Variants in SPMIP2 observed in about 807,000 individuals in gnomAD.
SPMIP2 encodes sperm microtubule inner protein 2.
At chr4:158,946,948 T>C in the SPMIP2 span, among the ~76,000 whole-genome samples, 1 of 152,190 alleles carries the variant, frequency 6.6e-6, no homozygotes, top group South Asian at 2.1e-4. Context: ...CCAACTATCT[T>C]TGTGGCTACA....
chr4:159,048,926 AT>A, the SPMIP2 span, among the ~76,000 whole-genome samples: 24 of 151,622 alleles, frequency 1.6e-4, no homozygotes, highest in African/African-American at 5.3e-4. Flanking sequence ...TAAAGTTAAA[AT>A]TTTTTTTGAA....
At chr4:158,897,686 G>A in the SPMIP2 span, among the ~76,000 whole-genome samples, 1 of 151,790 alleles carries the variant, frequency 6.6e-6, no homozygotes, top group Non-Finnish European at 1.5e-5. Context: ...TTTTGATGGG[G>A]TTGTTTTTTT....
the SPMIP2 span, among the ~76,000 whole-genome samples, chr4:159,080,307 C>G: frequency 9.9e-5 from 15 of 152,082 alleles, no homozygotes; most frequent in African/African-American, 3.6e-4. Context: ...ACCTCGAACT[C>G]CTGGGTTCAC....
chr4:158,957,743 T>A, the SPMIP2 span, among the ~76,000 whole-genome samples: 1 of 152,092 alleles, frequency 6.6e-6, no homozygotes, highest in Non-Finnish European at 1.5e-5. Context: ...CTTGTCAACA[T>A]CAGCTTAATA....
chr4:159,055,751 AAAAC>A, the SPMIP2 span, among the ~76,000 whole-genome samples: 5 of 152,124 alleles, frequency 3.3e-5, no homozygotes, highest in African/African-American at 1.2e-4. Context: ...TAAAAAACGA[AAAAC>A]AAAAACACGA....
chr4:158,984,732 A>C, the SPMIP2 span, among the ~76,000 whole-genome samples: 24 of 152,192 alleles, frequency 1.6e-4, no homozygotes, highest in East Asian at 3.9e-4. Flanking sequence ...ACTAGAAAAG[A>C]AAGAGCAAAC....
chr4:158,935,192 A>G, the SPMIP2 span, among the ~76,000 whole-genome samples: 1 of 152,152 alleles, frequency 6.6e-6, no homozygotes, highest in South Asian at 2.1e-4. Context: ...AGACATCATG[A>G]TGGTTCACCC....
At chr4:159,023,039 A>G in the SPMIP2 span, among the ~76,000 whole-genome samples, 3 of 35,522 alleles carry the variant, frequency 8.4e-5, no homozygotes, top group East Asian at 3.3e-3. Context: ...AATAAAATAA[A>G]ATAAAATAAA....
chr4:158,945,394 C>A, the SPMIP2 span, among the ~76,000 whole-genome samples: 1 of 152,164 alleles, frequency 6.6e-6, no homozygotes, highest in Non-Finnish European at 1.5e-5. Context: ...TGGAAAGGAC[C>A]ATGCTGCAAA....
the SPMIP2 span, among the ~76,000 whole-genome samples, chr4:158,946,344 T>C: frequency 1.3e-5 from 2 of 152,192 alleles, no homozygotes; most frequent in African/African-American, 2.4e-5. Context: ...ATGAAGAATA[T>C]TCATTTGATA....
the SPMIP2 span, among the ~76,000 whole-genome samples, chr4:158,958,148 A>G: frequency 1.4e-4 from 22 of 151,892 alleles, no homozygotes; most frequent in African/African-American, 2.2e-4. Flanking sequence ...ACATGTGTGT[A>G]CCACCACTCC....
chr4:158,994,645 T>C, the SPMIP2 span, among the ~76,000 whole-genome samples: 1 of 152,160 alleles, frequency 6.6e-6, no homozygotes. Flanking sequence ...TGATAATCTG[T>C]TGACACTAGA....
the SPMIP2 span, among the ~76,000 whole-genome samples, chr4:158,966,458 A>G: frequency 1.3e-5 from 2 of 152,250 alleles, no homozygotes; most frequent in Admixed American, 1.3e-4. Flanking sequence ...TGGCTCACAC[A>G]GAAGTTTCAG....
At chr4:158,917,991 T>C in the SPMIP2 span, among the ~76,000 whole-genome samples, 1 of 152,144 alleles carries the variant, frequency 6.6e-6, no homozygotes, top group Non-Finnish European at 1.5e-5. Context: ...AGTGCTGGGA[T>C]TACAGGCGTG....
chr4:158,953,798 G>A, the SPMIP2 span, among the ~76,000 whole-genome samples: 1 of 152,338 alleles, frequency 6.6e-6, no homozygotes, highest in South Asian at 2.1e-4. Context: ...AGTCAAAGGA[G>A]ATCAAATTTG....
At chr4:158,932,104 C>T in the SPMIP2 span, among the ~76,000 whole-genome samples, 7 of 152,076 alleles carry the variant, frequency 4.6e-5, no homozygotes, top group South Asian at 1.2e-3. Context: ...AGCCTGGCTT[C>T]AGGTAGAAAT....
the SPMIP2 span, among the ~76,000 whole-genome samples, chr4:159,005,864 G>C: frequency 1.3e-5 from 2 of 152,058 alleles, no homozygotes; most frequent in Non-Finnish European, 2.9e-5. Flanking sequence ...TCCCAGGTTC[G>C]AGTGATTCTC....
the SPMIP2 span, among the ~76,000 whole-genome samples, chr4:159,075,538 G>A: frequency 7.2e-5 from 11 of 152,186 alleles, no homozygotes; most frequent in African/African-American, 2.2e-4. Context: ...AAGAGACAGC[G>A]TGGCATAATG....
At chr4:158,963,391 T>C in the SPMIP2 span, among the ~76,000 whole-genome samples, 1 of 152,154 alleles carries the variant, frequency 6.6e-6, no homozygotes, top group Non-Finnish European at 1.5e-5. Context: ...AACCTCTGCC[T>C]CCTAAGTTCA....
Sources: gnomAD v4.1 joint callset for allele counts (sites outside exome capture counted in the v4.1 genomes callset) on GRCh38, gnomAD v4.1.1 for gene constraint, MANE v1.5 for transcripts, NCBI Gene and HGNC (gene_info 2026-07-23, HGNC 2026-07-21) for gene names.